OGDH: variants seen among roughly 807,000 people sequenced by gnomAD.
OGDH encodes 2-oxoglutarate dehydrogenase complex component E1.
OGDH carries 38 observed loss-of-function variants against 116.6 expected under a neutral mutation model. That is an observed-to-expected ratio of 0.33 (90% confidence interval 0.25 to 0.43). OGDH has a LOEUF of 0.43. OGDH is among the 20% of genes least tolerant of loss of function. The pLI is 1.00. For missense variants in OGDH, 825 were observed against 1,357.2 expected (o/e 0.61, Z 6.16); for synonymous variants, 488 against 533.3 (o/e 0.92, Z 1.17).
At chr7:44,688,682 G>A (rs899401500) in intron 10 of OGDH, among the ~76,000 whole-genome samples, 2 of 151,150 alleles carry the variant, frequency 1.3e-5, no homozygotes, top group African/African-American at 2.4e-5. Context: ...CGCCAGCCTC[G>A]GCCTCCTAGA....
In OGDH at chr7:44,699,922, G is replaced by A. The variant is rs111622286; in HGVS notation, c.2431-219G>A. Among the ~76,000 whole-genome samples, 891 of 152,242 alleles carry A rather than the reference G, an allele frequency of 5.9e-3. 16 individuals carry two copies. Among genetic ancestry groups the A allele is most frequent in the African/African-American group, 0.02 (824 of 41,520 alleles). On this transcript the variant is annotated intron_variant, in intron 18 of 22. Transcript: ENST00000222673. ...CACACTTTCAACAACCAGATCTCGT[G>A]TGAACTCAGAGTGAGAGCTCACTCA...
intron 4 of OGDH, among the ~76,000 whole-genome samples, chr7:44,651,492 T>C (rs184250420): frequency 4.6e-5 from 7 of 152,334 alleles, no homozygotes; most frequent in South Asian, 2.1e-4. Flanking sequence ...GTTTTATCTT[T>C]CAAGTGTAGC....
At chr7:44,698,134 T>C in intron 17 of OGDH, 58 bp from the exon 18 acceptor site, 1 of 1,583,300 alleles carries the variant, frequency 6.3e-7, no homozygotes, top group Non-Finnish European at 8.7e-7. Context: ...GAACAGCAGA[T>C]GCGGCAAATG....
At chr7:44,675,092 G>T (rs1006384393) in intron 7 of OGDH, 86 bp from the exon 8 acceptor site, 1 of 1,026,668 alleles carries the variant, frequency 9.7e-7, no homozygotes, top group Admixed American at 1.8e-5. Flanking sequence ...TGGGGGGAGG[G>T]GGAGGGGGGG....
intron 5 of OGDH, among the ~76,000 whole-genome samples, chr7:44,671,139 T>C (rs1401753840): frequency 1.3e-5 from 2 of 152,138 alleles, no homozygotes. Context: ...AAAGGGGTTA[T>C]TTGGCTCACA....
intron 9 of OGDH, among the ~76,000 whole-genome samples, chr7:44,679,834 C>G (rs1315686028): frequency 6.6e-6 from 1 of 152,222 alleles, no homozygotes; most frequent in African/African-American, 2.4e-5. Flanking sequence ...CACACTTAAG[C>G]TGCAACATCA....
At chr7:44,611,115 C>A (rs1479857802) in intron 1 of OGDH, among the ~76,000 whole-genome samples, 18 of 147,170 alleles carry the variant, frequency 1.2e-4, no homozygotes, top group African/African-American at 4.5e-4. Context: ...TACTCTGTCA[C>A]CCCAGGCTGG....
intron 1 of OGDH, among the ~76,000 whole-genome samples, chr7:44,619,832 A>G (rs1249237831): frequency 2.0e-5 from 3 of 152,084 alleles, no homozygotes; most frequent in African/African-American, 7.2e-5. Flanking sequence ...ATTGGCTGTT[A>G]GTATATCTTC....
intron 10 of OGDH, among the ~76,000 whole-genome samples, chr7:44,693,268 A>G (rs1788440659): frequency 6.6e-6 from 1 of 151,812 alleles, no homozygotes. Flanking sequence ...AGATCACGCC[A>G]TTGCACTCTG....
In OGDH at chr7:44,615,934, TG is replaced by T. The variant is rs373007970; in HGVS notation, c.-27-8380del. Among the ~76,000 whole-genome samples the T allele has an allele frequency of 2.8e-3, 428 of 150,914 alleles. 1 individual carries two copies. The highest frequency in any genetic ancestry group is 0.01 in the African/African-American group (413 of 41,080). ...GTCTCAGCTACTTGGGGGACTGAGG[TG>T]GGAGAATCACTTGAGCCTGGGAGGT... On this transcript the variant is annotated intron_variant, in intron 1 of 22. Transcript: ENST00000222673.
rs777624714 is a variant in OGDH, at chr7:44,705,051, CTT to C, written c.2633-2156_2633-2155del. On this transcript the variant is annotated intron_variant, in intron 20 of 22. Coordinates refer to ENST00000222673, the MANE Select transcript of OGDH (RefSeq NM_002541.4). ...TTGATGTACAAAAGTTTTTAATTTT[CTT>C]TTTTTTTTTTTTTTTTTGAGACGGA... 1.6e-4 allele frequency among the ~76,000 whole-genome samples: 15 copies of C among 93,918 alleles called. 1 individual carries two copies. In the East Asian group the frequency reaches 3.0e-3, roughly 19 times the overall value. 61.6% of individuals were successfully genotyped at this position (93,918 alleles called of 152,430 possible). A position where few individuals can be genotyped will look rare whatever the true frequency, so the allele number is the denominator to read the frequency against.
At chr7:44,661,465 T>C (rs977205263) in intron 4 of OGDH, among the ~76,000 whole-genome samples, 1 of 152,140 alleles carries the variant, frequency 6.6e-6, no homozygotes, top group Non-Finnish European at 1.5e-5. Context: ...TAATTATTGG[T>C]ATGTTAGGGC....
intron 7 of OGDH, 30 bp from the exon 8 acceptor site, chr7:44,675,148 C>G: frequency 6.3e-7 from 1 of 1,588,382 alleles, no homozygotes; most frequent in Middle Eastern, 1.7e-4. Flanking sequence ...ACCTCAGGCT[C>G]TGCTCACCCT....
At chr7:44,618,956 C>T (rs1185616987) in intron 1 of OGDH, among the ~76,000 whole-genome samples, 4 of 152,192 alleles carry the variant, frequency 2.6e-5, no homozygotes, top group African/African-American at 9.7e-5. Context: ...TTAGATCATA[C>T]CCTTTTTGCC....
chr7:44,696,700 T>TCCATCCAACCACCCCAGA, intron 14 of OGDH, 143 bp downstream of exon 14: 1 of 1,294,768 alleles, frequency 7.7e-7, no homozygotes, highest in Non-Finnish European at 1.1e-6. Flanking sequence ...CTGGGGTGGT[T>TCCATCCAACCACCCCAGA]GGATGGAGCC....
intron 2 of OGDH, among the ~76,000 whole-genome samples, chr7:44,632,485 A>C (rs1344863165): frequency 6.6e-6 from 1 of 152,128 alleles, no homozygotes; most frequent in African/African-American, 2.4e-5. Flanking sequence ...TATATTTTTT[A>C]TAGAGACAGG....
At position 44,645,445 on chromosome 7, in the gene OGDH, T is replaced by C; in HGVS notation, c.341T>C (p.Val114Ala). ...GCTGTGGCCCATGCACAGTCCCTGG[T>C]AGAAGCACAGCCCAACGTGGACAAG... ...LAAVAHAQSL[V>A]EAQPNVDKLV... is the part of the protein sequence containing the mutation. Residue 114 changes from valine (V) to alanine (A), a missense_variant, in exon 3 of 23, where the codon GTA (valine) becomes GCA (alanine). Transcript: ENST00000222673. 1 of 1,614,114 alleles carries C rather than the reference T, an allele frequency of 6.2e-7. No homozygotes were observed. Among genetic ancestry groups the C allele is most frequent in the South Asian group, 1.1e-5 (1 of 91,072 alleles).
intron 5 of OGDH, among the ~76,000 whole-genome samples, chr7:44,670,542 GCTGGTCAGTACCTTGGGCA>G (rs1165121215): frequency 1.3e-5 from 2 of 152,172 alleles, no homozygotes; most frequent in Admixed American, 1.3e-4. Flanking sequence ...AGTTTCTTCT[GCTGGTCAGTACCTTGGGCA>G]CTATGGATCC....
At chr7:44,616,653 A>G (rs527361031) in intron 1 of OGDH, among the ~76,000 whole-genome samples, 1 of 148,624 alleles carries the variant, frequency 6.7e-6, no homozygotes, top group South Asian at 2.1e-4. Flanking sequence ...ATATATACAC[A>G]TATATATACG....
Sources: gnomAD v4.1 joint callset for allele counts (sites outside exome capture counted in the v4.1 genomes callset) on GRCh38, gnomAD v4.1.1 for gene constraint, MANE v1.5 for transcripts, NCBI Gene and HGNC (gene_info 2026-07-23, HGNC 2026-07-21) for gene names.